The following TLE4 variants were observed in gnomAD, a reference collection of about 807,000 sequenced individuals.
TLE4 encodes transducin-like enhancer protein 4.
A neutral mutation model predicts 92.8 loss-of-function variants in TLE4; 8 were observed. The observed-to-expected ratio is 0.09, with a 90% confidence interval of 0.05 to 0.16. The LOEUF (loss-of-function observed/expected upper bound fraction) is 0.16. TLE4 is among the 10% of genes least tolerant of loss of function. The pLI, the probability that TLE4 is intolerant of heterozygous loss-of-function variation, is 1.00. For missense variants in TLE4, 675 were observed against 997.6 expected (o/e 0.68, Z 4.36); for synonymous variants, 371 against 374.1 (o/e 0.99, Z 0.10).
At chr9:79,723,125 G>C (rs1425640825) in intron 19 of TLE4, 90 bp downstream of exon 19, 25 of 1,290,114 alleles carry the variant, frequency 1.9e-5, no homozygotes, top group Non-Finnish European at 2.8e-5. Context: ...GAAGTGTCCT[G>C]GGAGGTCAGA....
intron 4 of TLE4, among the ~76,000 whole-genome samples, chr9:79,595,167 G>A (rs1368712680): frequency 6.6e-6 from 1 of 152,142 alleles, no homozygotes; most frequent in Non-Finnish European, 1.5e-5. Context: ...ATTAAGGAAT[G>A]CTCCATTTCT....
rs2076313044 is a variant in TLE4 at position 79,725,645 on chromosome 9, C to A, written c.*501C>A. 1 of 150,296 alleles carries A rather than the reference C, an allele frequency of 6.7e-6. No homozygotes were observed. Among genetic ancestry groups the A allele is most frequent in the African/African-American group, 2.5e-5 (1 of 40,562 alleles). 9.3% of individuals were successfully genotyped at this position (150,296 alleles called of 1,614,324 possible). A position where few individuals can be genotyped will look rare whatever the true frequency, so the allele number is the denominator to read the frequency against. On this transcript the variant is annotated 3_prime_UTR_variant, in exon 20 of 20. Coordinates refer to ENST00000376552, the MANE Select transcript of TLE4 (RefSeq NM_007005.6). ...TGAAATGTATAATTACACATGGAAG[C>A]AATATGTTGCTGTGTTGTTATTAGG...
chr9:79,666,458 C>T (rs764881179), intron 8 of TLE4, among the ~76,000 whole-genome samples: 4 of 151,990 alleles, frequency 2.6e-5, no homozygotes, highest in East Asian at 1.9e-4. Context: ...AGGCTGGTTT[C>T]GAACTTCTGA....
intron 4 of TLE4, among the ~76,000 whole-genome samples, chr9:79,579,857 A>G (rs1210279136): frequency 6.6e-6 from 1 of 152,182 alleles, no homozygotes; most frequent in Non-Finnish European, 1.5e-5. Flanking sequence ...TCTTTGGTCG[A>G]TGGTAAATGA....
chr9:79,641,814 C>A (rs1432932026), intron 6 of TLE4, among the ~76,000 whole-genome samples: 1 of 152,138 alleles, frequency 6.6e-6, no homozygotes, highest in Non-Finnish European at 1.5e-5. Flanking sequence ...TTTCTTGATG[C>A]TAATACCATC....
intron 4 of TLE4, among the ~76,000 whole-genome samples, chr9:79,587,788 A>G (rs2041513642): frequency 6.6e-6 from 1 of 152,194 alleles, no homozygotes; most frequent in South Asian, 2.1e-4. Flanking sequence ...ACATATAGTT[A>G]ACAGATTTTT....
At chr9:79,706,464 A>G (rs2071599079) in intron 10 of TLE4, among the ~76,000 whole-genome samples, 1 of 151,780 alleles carries the variant, frequency 6.6e-6, no homozygotes, top group Non-Finnish European at 1.5e-5. Flanking sequence ...GGCACACCAG[A>G]TCTCTGTGGT....
intron 4 of TLE4, among the ~76,000 whole-genome samples, chr9:79,607,281 C>T (rs964982339): frequency 4.6e-5 from 7 of 152,006 alleles, no homozygotes; most frequent in African/African-American, 1.7e-4. Context: ...AGCCTTTTGT[C>T]AGGTGGGTAG....
chr9:79,580,922 A>G (rs2039480308), intron 4 of TLE4, among the ~76,000 whole-genome samples: 2 of 152,340 alleles, frequency 1.3e-5, no homozygotes, highest in Admixed American at 6.5e-5. Flanking sequence ...AATCTTAAAG[A>G]TGACAAGTGA....
intron 6 of TLE4, among the ~76,000 whole-genome samples, chr9:79,650,905 A>G (rs2058846771): frequency 6.6e-6 from 1 of 152,180 alleles, no homozygotes; most frequent in Non-Finnish European, 1.5e-5. Flanking sequence ...TTTTGTAGTC[A>G]AACATAGGAA....
chr9:79,717,857 C>T (rs1348909859), intron 14 of TLE4: 15 of 406,426 alleles, frequency 3.7e-5, no homozygotes, highest in South Asian at 1.6e-4. Context: ...CCAGCTGCCT[C>T]CTGCCTGCCA....
At chr9:79,575,192 G>A (rs906210334) in intron 3 of TLE4, among the ~76,000 whole-genome samples, 1 of 151,218 alleles carries the variant, frequency 6.6e-6, no homozygotes, top group Non-Finnish European at 1.5e-5. Flanking sequence ...TTTACAGATC[G>A]AAAAAAAATA....
At chr9:79,639,384 A>G (rs1046468450) in intron 6 of TLE4, among the ~76,000 whole-genome samples, 2 of 152,344 alleles carry the variant, frequency 1.3e-5, no homozygotes, top group East Asian at 1.9e-4. Flanking sequence ...CAATGGTCCC[A>G]TAAGATTATA....
chr9:79,587,046 A>G (rs750559565), intron 4 of TLE4, among the ~76,000 whole-genome samples: 1 of 152,218 alleles, frequency 6.6e-6, no homozygotes, highest in Non-Finnish European at 1.5e-5. Context: ...GCTATCAAAC[A>G]CTATACCTTA....
chr9:79,674,276 A>G (rs2072255906), intron 8 of TLE4, among the ~76,000 whole-genome samples: 1 of 152,088 alleles, frequency 6.6e-6, no homozygotes, highest in Non-Finnish European at 1.5e-5. Context: ...AGAACAGCCC[A>G]TTAAGGTGGA....
At chr9:79,589,895 A>G (rs1196028828) in intron 4 of TLE4, among the ~76,000 whole-genome samples, 1 of 152,070 alleles carries the variant, frequency 6.6e-6, no homozygotes, top group African/African-American at 2.4e-5. Flanking sequence ...AGTACATTAT[A>G]TTTGTCTTTG....
intron 10 of TLE4, 40 bp from the exon 11 acceptor site, chr9:79,706,707 G>A: frequency 6.3e-7 from 1 of 1,590,574 alleles, no homozygotes. Context: ...CATTATAAAT[G>A]TGCTGTGCTT....
intron 8 of TLE4, among the ~76,000 whole-genome samples, chr9:79,692,950 T>C (rs745553804): frequency 2.6e-5 from 4 of 152,164 alleles, no homozygotes; most frequent in Non-Finnish European, 4.4e-5. Context: ...GTTTTATAGG[T>C]ATGACAAAGC....
chr9:79,717,751 T>C (rs1161224056), intron 14 of TLE4, among the ~76,000 whole-genome samples: 1 of 152,236 alleles, frequency 6.6e-6, no homozygotes, highest in Non-Finnish European at 1.5e-5. Context: ...TGTAAACTAT[T>C]TTCTGTAAGC....
Sources: gnomAD v4.1 joint callset for allele counts (sites outside exome capture counted in the v4.1 genomes callset) on GRCh38, gnomAD v4.1.1 for gene constraint, MANE v1.5 for transcripts, NCBI Gene and HGNC (gene_info 2026-07-23, HGNC 2026-07-21) for gene names.